The following RWDD2B variants were observed in gnomAD, a reference collection of about 807,000 sequenced individuals.
RWDD2B encodes RWD domain-containing protein 2B.
Under a neutral mutation model 33.6 loss-of-function variants are expected in RWDD2B, and 36 were observed. The ratio of observed to expected loss-of-function variants is 1.07; its 90% confidence interval spans 0.82 to 1.42. The LOEUF (loss-of-function observed/expected upper bound fraction) is 1.42, where lower values mean the gene tolerates loss of function less well. Among genes scored for constraint, RWDD2B ranks in the 40% most tolerant of loss-of-function variants. The pLI, the probability that RWDD2B is intolerant of heterozygous loss-of-function variation, is 0.00. For synonymous variants in RWDD2B, 126 were observed against 133.1 expected (o/e 0.95, Z 0.37); for missense variants, 364 against 377.5 (o/e 0.96, Z 0.30).
rs2084819809 is a variant in RWDD2B at position 29,004,595 on chromosome 21, T to C, written c.*1822A>G. ...TATTTCATACAAATCTGTTAGTCGCTGGAGGAATCAGAAACTAGACACACA... is the reference window on the plus strand; with the variant it reads ...TATTTCATACAAATCTGTTAGTCGCCGGAGGAATCAGAAACTAGACACACA... On this transcript the variant is annotated 3_prime_UTR_variant, in exon 5 of 5. Coordinates refer to ENST00000493196, the MANE Select transcript of RWDD2B (RefSeq NM_016940.3). 1 of 152,220 alleles carries C rather than the reference T, an allele frequency of 6.6e-6. No individual in the cohort carries two copies. Among genetic ancestry groups the C allele is most frequent in the South Asian group, 2.1e-4 (1 of 4,836 alleles). 9.4% of individuals were successfully genotyped at this position (152,220 alleles called of 1,614,324 possible). A position where few individuals can be genotyped will look rare whatever the true frequency, so the allele number is the denominator to read the frequency against.
In RWDD2B at chr21:29,008,513, T is replaced by C; in HGVS notation, c.176A>G (p.Asn59Ser). Residue 59 changes from asparagine (N) to serine (S), a missense_variant, in exon 2 of 5, where the codon AAT becomes AGT. Coordinates refer to ENST00000493196, the MANE Select transcript of RWDD2B (RefSeq NM_016940.3). ...CAGTTCTGCTACAGCCAGCTGGTCATTCACTATGAGCTCATTCTCACCAGG... is the reference window on the plus strand; with the variant it reads ...CAGTTCTGCTACAGCCAGCTGGTCACTCACTATGAGCTCATTCTCACCAGG... ...MFPGENELIV[N>S]DQLAVAELKD... The C allele has an allele frequency of 1.9e-6, 3 of 1,614,216 alleles. No homozygotes were observed. The highest frequency in any genetic ancestry group is 2.5e-6 in the Non-Finnish European group (3 of 1,180,032).
chr21:29,009,098 G>GT (rs1568869397), intron 1 of RWDD2B, among the ~76,000 whole-genome samples: 1 of 152,076 alleles, frequency 6.6e-6, no homozygotes, highest in Non-Finnish European at 1.5e-5. Context: ...TGTTTATTAG[G>GT]TTTTTTTGAG....
intron 1 of RWDD2B, among the ~76,000 whole-genome samples, chr21:29,015,375 C>G (rs780841073): frequency 6.6e-6 from 1 of 151,130 alleles, no homozygotes; most frequent in Non-Finnish European, 1.5e-5. Flanking sequence ...GGATTACAGG[C>G]GCACACCACT....
Position 29,013,494 on chromosome 21 carries a change from C to G in RWDD2B, c.68-4873G>C, listed in dbSNP as rs555746449. Among the ~76,000 whole-genome samples, 5 of 151,976 alleles carry G rather than the reference C, an allele frequency of 3.3e-5. No homozygotes were observed. The South Asian group carries it at 8.3e-4, about 25-fold the overall frequency. On this transcript the variant is annotated intron_variant, in intron 1 of 4. Transcript: ENST00000493196. ...CATGAGGTCAGGAGATCCAGACCAT[C>G]CTGGCTAACACAGTGAAACCCCACC...
chr21:29,017,718 A>G (rs1349608261), intron 1 of RWDD2B, among the ~76,000 whole-genome samples: 1 of 152,244 alleles, frequency 6.6e-6, no homozygotes, highest in Non-Finnish European at 1.5e-5. Flanking sequence ...GTGAGACTGC[A>G]CACAGCATTG....
Position 29,019,122 on chromosome 21 carries a change from G to A in RWDD2B, c.67+89C>T. On this transcript the variant is annotated intron_variant, in intron 1 of 4. Transcript: ENST00000493196. ...TGAGGGGAACCGGGGCCGCCATGCC[G>A]GGCACGTTCCCAAAGGGTTGCACTG... 3 of 1,113,218 alleles carry A rather than the reference G, an allele frequency of 2.7e-6. No homozygotes were observed. The Admixed American group carries it at 6.6e-5, about 24-fold the overall frequency. 69.0% of individuals were successfully genotyped at this position (1,113,218 alleles called of 1,614,324 possible). A position where few individuals can be genotyped will look rare whatever the true frequency, so the allele number is the denominator to read the frequency against.
intron 1 of RWDD2B, among the ~76,000 whole-genome samples, chr21:29,012,667 CCAGAGACCTTTGTTCACTTGTTTATCTG>C (rs1488365274): frequency 6.6e-6 from 1 of 152,014 alleles, no homozygotes; most frequent in African/African-American, 2.4e-5. Context: ...CCTAGGAAAA[CCAGAGACCTTTGTTCACTTGTTTATCTG>C]CTGACCTTCC....
At chr21:29,011,156 G>A (rs983706201) in intron 1 of RWDD2B, among the ~76,000 whole-genome samples, 7 of 151,094 alleles carry the variant, frequency 4.6e-5, no homozygotes, top group African/African-American at 1.5e-4. Context: ...GAGCCCCTCT[G>A]CCTGGCTGCC....
At chr21:29,014,184 A>G (rs2084878518) in intron 1 of RWDD2B, among the ~76,000 whole-genome samples, 1 of 152,198 alleles carries the variant, frequency 6.6e-6, no homozygotes, top group African/African-American at 2.4e-5. Flanking sequence ...GGCAGAGGGC[A>G]AGAGAGAATG....
At chr21:29,008,654 A>G (rs1438497205) in intron 1 of RWDD2B, 33 bp from the exon 2 acceptor site, 1 of 1,432,756 alleles carries the variant, frequency 7.0e-7, no homozygotes, top group Non-Finnish European at 9.7e-7. Context: ...GACAATTTAC[A>G]TATGCAATCT....
intron 1 of RWDD2B, among the ~76,000 whole-genome samples, chr21:29,011,267 G>A (rs913326878): frequency 4.0e-5 from 6 of 151,126 alleles, no homozygotes; most frequent in Admixed American, 1.3e-4. Flanking sequence ...AGTGAGGAGC[G>A]TCTCTGCCCG....
Position 29,004,547 on chromosome 21 carries a change from G to C in RWDD2B, c.*1870C>G, listed in dbSNP as rs1296270635. ...ATCTGCCCCCTTTGGTGGTAGGGAT[G>C]TCAGATTCCATTCTCTGTAGGGTAT... On this transcript the variant is annotated 3_prime_UTR_variant, in exon 5 of 5. Coordinates refer to ENST00000493196, the MANE Select transcript of RWDD2B (RefSeq NM_016940.3). 6.6e-6 allele frequency: 1 copy of C among 152,230 alleles called. No homozygotes were observed. Among genetic ancestry groups the C allele is most frequent in the African/African-American group, 2.4e-5 (1 of 41,462 alleles). The allele number at this position is 152,230 out of a possible 1,614,324, so 9.4% of individuals were successfully genotyped here.
chr21:29,009,995 C>T (rs888927681), intron 1 of RWDD2B, among the ~76,000 whole-genome samples: 4 of 152,116 alleles, frequency 2.6e-5, no homozygotes, highest in African/African-American at 9.7e-5. Context: ...TTGTAACTGT[C>T]GGCTGTTATA....
At chr21:29,013,064 T>A (rs74335438) in intron 1 of RWDD2B, among the ~76,000 whole-genome samples, 2 of 150,752 alleles carry the variant, frequency 1.3e-5, no homozygotes, top group African/African-American at 4.9e-5. Context: ...TTTTTTTTTT[T>A]GAGACAGAGT....
chr21:29,018,154 G>A (rs1408820912), intron 1 of RWDD2B, among the ~76,000 whole-genome samples: 1 of 152,168 alleles, frequency 6.6e-6, no homozygotes, highest in Non-Finnish European at 1.5e-5. Flanking sequence ...TCAAGTTGGT[G>A]AGCTTCAGGT....
chr21:29,006,178 G>A lies in RWDD2B; in HGVS notation c.*239C>T. 2.9e-6 allele frequency: 1 copy of A among 346,928 alleles called. No homozygotes were observed. The highest frequency in any genetic ancestry group is 5.2e-6 in the Non-Finnish European group (1 of 192,714). 21.5% of individuals were successfully genotyped at this position (346,928 alleles called of 1,614,324 possible). The stretch of plus-strand genomic sequence containing the variant: ...ATGGATAATTTCTTTTTCAAAATGG[G>A]CAGCTGATATGTGAAGAAATATCTA... On this transcript the variant is annotated 3_prime_UTR_variant, in exon 5 of 5. Coordinates refer to ENST00000493196, the MANE Select transcript of RWDD2B (RefSeq NM_016940.3).
intron 3 of RWDD2B, 57 bp downstream of exon 3, chr21:29,008,183 C>T: frequency 6.2e-7 from 1 of 1,609,070 alleles, no homozygotes; most frequent in East Asian, 2.2e-5. Context: ...TCGAGAATTG[C>T]TTTTATTCTC....
chr21:29,014,152 ACT>A (rs2084878317), intron 1 of RWDD2B, among the ~76,000 whole-genome samples: 1 of 152,216 alleles, frequency 6.6e-6, no homozygotes, highest in South Asian at 2.1e-4. Flanking sequence ...GGGCATTCTT[ACT>A]GAGTCATCCC....
intron 1 of RWDD2B, among the ~76,000 whole-genome samples, chr21:29,017,861 G>C (rs1208946095): frequency 6.6e-6 from 1 of 152,192 alleles, no homozygotes; most frequent in Non-Finnish European, 1.5e-5. Flanking sequence ...CTTGAGGAAG[G>C]AGGGTGCTAG....
Sources: gnomAD v4.1 joint callset for allele counts (sites outside exome capture counted in the v4.1 genomes callset) on GRCh38, gnomAD v4.1.1 for gene constraint, MANE v1.5 for transcripts, NCBI Gene and HGNC (gene_info 2026-07-23, HGNC 2026-07-21) for gene names.